Variants in TSPAN11 observed in about 807,000 individuals in gnomAD.
TSPAN11 encodes the protein tetraspanin-11.
TSPAN11 carries 29 observed loss-of-function variants against 32.9 expected under a neutral mutation model. The observed-to-expected ratio is 0.88, with a 90% CI of 0.66 to 1.20. The LOEUF is 1.20. TSPAN11 is among the 50% of genes most tolerant of loss of function. The probability of loss-of-function intolerance (pLI) is 0.00; values close to 1 mark genes in which losing one functional copy is unlikely to be tolerated. For synonymous variants in TSPAN11, 140 were observed against 141.3 expected (o/e 0.99, Z 0.07); for missense variants, 283 against 329.1 (o/e 0.86, Z 1.08).
rs145673848 is a variant in TSPAN11, at chr12:30,963,712, G to A, written c.85-114G>A. On this transcript the variant is annotated intron_variant, in intron 2 of 7. Coordinates refer to ENST00000546076, the MANE Select transcript of TSPAN11 (RefSeq NM_001370302.1). ...TAACCATACCATTCTCGCCTCCTTT[G>A]GAGGACTGAATGAGCCAGTGCAAGA... 3.4e-6 allele frequency: 4 copies of A among 1,162,970 alleles called. No individual in the cohort carries two copies. In the African/African-American group the frequency reaches 4.6e-5, roughly 13 times the overall value. 72.0% of individuals were successfully genotyped at this position (1,162,970 alleles called of 1,614,324 possible).
chr12:30,977,051 C>T (rs1014753219), intron 3 of TSPAN11, among the ~76,000 whole-genome samples: 6 of 152,212 alleles, frequency 3.9e-5, no homozygotes, highest in Admixed American at 3.3e-4. Context: ...TGCTGGGAGC[C>T]TATAGGACAC....
chr12:30,992,072 G>C lies in TSPAN11; in HGVS notation c.*157G>C. 1 of 593,440 alleles carries C rather than the reference G, an allele frequency of 1.7e-6. No individual in the cohort carries two copies. The highest frequency in any genetic ancestry group is 1.8e-5 in the South Asian group (1 of 55,224). The allele number at this position is 593,440 out of a possible 1,614,324, so 36.8% of individuals were successfully genotyped here. A position where few individuals can be genotyped will look rare whatever the true frequency, so the allele number is the denominator to read the frequency against. On this transcript the variant is annotated 3_prime_UTR_variant, in exon 8 of 8. Transcript: ENST00000546076. ...AATCCACCGAGTGCCTGAGACCATA[G>C]CTTCTGTGCCCACCCAGGCAGAGAC...
rs533628035 is a variant in TSPAN11, at chr12:30,979,437, C to T, written c.352-129C>T. 54 of 816,090 alleles carry T rather than the reference C, an allele frequency of 6.6e-5. No homozygotes were observed. The African/African-American group carries it at 7.8e-4, about 12-fold the overall frequency. The allele number at this position is 816,090 out of a possible 1,614,324, so 50.6% of individuals were successfully genotyped here. A position where few individuals can be genotyped will look rare whatever the true frequency, so the allele number is the denominator to read the frequency against. On this transcript the variant is annotated intron_variant, in intron 4 of 7. Transcript: ENST00000546076. The stretch of plus-strand genomic sequence containing the variant: ...GATGGTCCCTTACGCTGTTGAGAAA[C>T]CTCCGCATCACACCATCCACAGTCC...
rs748981732 is a variant in TSPAN11 at position 30,982,505 on chromosome 12, AGCCTCTGCCTCT to A, written c.457-15_457-4del. On this transcript the variant is annotated splice_polypyrimidine_tract_variant and intron_variant, in intron 5 of 7. Coordinates refer to ENST00000546076, the MANE Select transcript of TSPAN11 (RefSeq NM_001370302.1). ...GACCCTACGCAGGCCTCTCACCTCC[AGCCTCTGCCTCT>A]GCCTCTGCCTCCAGTTCAAGTGCTG... 8 of 1,593,098 alleles carry A rather than the reference AGCCTCTGCCTCT, an allele frequency of 5.0e-6. No individual in the cohort carries two copies. The highest frequency in any genetic ancestry group is 2.3e-5 in the East Asian group (1 of 44,342).
chr12:30,930,053 G>A (rs1470497936), intron 1 of TSPAN11, among the ~76,000 whole-genome samples: 2 of 152,186 alleles, frequency 1.3e-5, no homozygotes, highest in African/African-American at 4.8e-5. Flanking sequence ...GTCGGGAGTA[G>A]AGAACTGGAC....
At chr12:31,002,294 C>G in the TSPAN11 span, among the ~76,000 whole-genome samples, 28 of 152,088 alleles carry the variant, frequency 1.8e-4, no homozygotes, top group Non-Finnish European at 3.4e-4. The surrounding 1 kb of genome is among the most constrained non-coding windows in gnomAD (Gnocchi z 4.8). Flanking sequence ...GGAGGTAGAG[C>G]TCCACACACA....
intron 2 of TSPAN11, among the ~76,000 whole-genome samples, chr12:30,963,395 C>G (rs1454404970): frequency 6.6e-6 from 1 of 152,238 alleles, no homozygotes; most frequent in African/African-American, 2.4e-5. Flanking sequence ...GGTGCTCGAA[C>G]GAGCCCCACC....
chr12:30,953,957 C>G (rs1170931690), intron 1 of TSPAN11, 24 bp from the exon 2 acceptor site: 25 of 1,580,472 alleles, frequency 1.6e-5, no homozygotes, highest in Non-Finnish European at 2.0e-5. Flanking sequence ...ATTCCCCGGC[C>G]CAGCATATGT....
At chr12:30,970,400 C>G (rs1486390887) in intron 3 of TSPAN11, among the ~76,000 whole-genome samples, 1 of 152,220 alleles carries the variant, frequency 6.6e-6, no homozygotes, top group African/African-American at 2.4e-5. Flanking sequence ...ATGACCCTCA[C>G]CGCCCACTGG....
chr12:30,993,305 T>C lies in TSPAN11; in HGVS notation c.*1390T>C, dbSNP rs1413269844. On this transcript the variant is annotated 3_prime_UTR_variant, in exon 8 of 8. Transcript: ENST00000546076. ...AGCTCACCTCCCTGCTTGATCCAGA[T>C]TGCACTGTGATGAGCACATTGCTGA... 9 of 152,258 alleles carry C rather than the reference T, an allele frequency of 5.9e-5. No individual in the cohort carries two copies. Among genetic ancestry groups the C allele is most frequent in the African/African-American group, 2.2e-4 (9 of 41,440 alleles). The allele number at this position is 152,258 out of a possible 1,614,324, so 9.4% of individuals were successfully genotyped here. A position where few individuals can be genotyped will look rare whatever the true frequency, so the allele number is the denominator to read the frequency against.
the TSPAN11 span, among the ~76,000 whole-genome samples, chr12:31,007,909 G>T: frequency 2.0e-5 from 3 of 152,086 alleles, no homozygotes; most frequent in Non-Finnish European, 2.9e-5. Flanking sequence ...AGCCATAGAG[G>T]CGGGGGCCAG....
intron 7 of TSPAN11, among the ~76,000 whole-genome samples, chr12:30,984,494 G>T (rs755714337): frequency 1.3e-4 from 19 of 151,312 alleles, no homozygotes; most frequent in Non-Finnish European, 2.2e-4. Flanking sequence ...CCTCTCATTG[G>T]GTCCACACAA....
intron 3 of TSPAN11, 129 bp from the exon 4 acceptor site, chr12:30,978,432 C>A: frequency 2.2e-6 from 2 of 889,500 alleles, no homozygotes; most frequent in Non-Finnish European, 3.6e-6. Flanking sequence ...GCTGGTACAT[C>A]CAGGAGGAAG....
intron 1 of TSPAN11, among the ~76,000 whole-genome samples, chr12:30,953,208 C>T (rs1196246851): frequency 6.6e-6 from 1 of 152,228 alleles, no homozygotes; most frequent in Non-Finnish European, 1.5e-5. Context: ...ACACTTATTA[C>T]ATGCCAAGGA....
At chr12:30,988,588 T>C in intron 7 of TSPAN11, 1 of 151,826 alleles carries the variant, frequency 6.6e-6, no homozygotes, top group Non-Finnish European at 1.5e-5. Flanking sequence ...AGACTCCATC[T>C]AAAAAACAAA....
chr12:30,984,883 A>G (rs972869525), intron 7 of TSPAN11, among the ~76,000 whole-genome samples: 2 of 152,180 alleles, frequency 1.3e-5, no homozygotes, highest in African/African-American at 2.4e-5. Context: ...CAGATCAGAA[A>G]GTTGAGACCC....
At position 30,963,978 on chromosome 12, in the gene TSPAN11, C is replaced by T. The variant is rs1387067260; in HGVS notation, c.237C>T (p.Phe79=). 20 of 1,613,882 alleles carry T rather than the reference C, an allele frequency of 1.2e-5. No individual in the cohort carries two copies. The highest frequency in any genetic ancestry group is 8.9e-5 in the East Asian group (4 of 44,894). The change falls in exon 3 of 8, where the codon TTC becomes TTT. Residue 79 remains phenylalanine, a synonymous_variant. Coordinates refer to ENST00000546076, the MANE Select transcript of TSPAN11 (RefSeq NM_001370302.1). The stretch of plus-strand genomic sequence containing the variant: ...TCATGGTGACCGGCTTCCTGGGCTT[C>T]GGTGCCATCCTCTGGGAGCGGAAGG... ...VLVMVTGFLG[F]GAILWERKGC...
In TSPAN11 at chr12:30,963,886, C is replaced by G. The variant is rs1249112253; in HGVS notation, c.145C>G (p.Leu49Val). The change falls in exon 3 of 8, where the codon CTC (leucine) becomes GTC (valine). Residue 49 changes from leucine to valine, a missense_variant. Physicochemically the swap from Leu to Val is conservative, Grantham distance 32 (BLOSUM62 1). Coordinates refer to ENST00000546076, the MANE Select transcript of TSPAN11 (RefSeq NM_001370302.1). ...GACCCTGGTGGAGAAGAGTGGCTAC[C>G]TCAGCGTCCTGGCCTCCAGCACCTT... The part of the protein sequence containing the change: ...IWTLVEKSGY[L>V]SVLASSTFAA... 1 of 1,613,182 alleles carries G rather than the reference C, an allele frequency of 6.2e-7. No individual in the cohort carries two copies. Among genetic ancestry groups the G allele is most frequent in the Admixed American group, 1.7e-5 (1 of 60,036 alleles).
intron 1 of TSPAN11, among the ~76,000 whole-genome samples, chr12:30,941,796 C>T (rs1449319906): frequency 6.6e-6 from 1 of 152,256 alleles, no homozygotes; most frequent in African/African-American, 2.4e-5. Context: ...CGCCTGGGGG[C>T]ACCTCTTCCA....
Sources: gnomAD v4.1 joint callset for allele counts (sites outside exome capture counted in the v4.1 genomes callset) on GRCh38, gnomAD v4.1.1 for gene constraint, Gnocchi (gnomAD v3.1) non-coding constraint, MANE v1.5 for transcripts, NCBI Gene and HGNC (gene_info 2026-07-23, HGNC 2026-07-21) for gene names.